CEP85L: variants seen among roughly 807,000 people sequenced by gnomAD.
CEP85L encodes centrosomal protein of 85 kDa-like.
CEP85L carries 60 observed loss-of-function variants against 100.3 expected under a neutral mutation model. That is an observed-to-expected ratio of 0.60 (90% CI 0.49 to 0.74). CEP85L has a LOEUF of 0.74. Ranked by LOEUF, CEP85L falls within the 30% of genes least tolerant of loss-of-function variation. The pLI is 0.00. For missense variants in CEP85L, 973 were observed against 936.2 expected, an observed-to-expected ratio of 1.04 and a Z score of -0.51; for synonymous variants, 319 against 322.7, an observed-to-expected ratio of 0.99 and a Z score of 0.12.
chr6:118,693,691 C>T (rs1465106885), intron 1 of CEP85L, among the ~76,000 whole-genome samples: 1 of 152,206 alleles, frequency 6.6e-6, no homozygotes, highest in East Asian at 1.9e-4. Flanking sequence ...TATCACAAAG[C>T]TGGTCCTATG....
chr6:118,481,583 C>A (rs1773786570), intron 8 of CEP85L, among the ~76,000 whole-genome samples, 196 bp downstream of exon 8: 1 of 152,012 alleles, frequency 6.6e-6, no homozygotes, highest in East Asian at 1.9e-4. Flanking sequence ...AAATACTTGG[C>A]AAATATTCCA....
At chr6:118,496,578 C>T (rs942442307) in intron 5 of CEP85L, among the ~76,000 whole-genome samples, 2 of 152,114 alleles carry the variant, frequency 1.3e-5, no homozygotes, top group African/African-American at 4.8e-5. Context: ...TGGTCTCGAA[C>T]TCCTGACCTC....
intron 2 of CEP85L, among the ~76,000 whole-genome samples, chr6:118,598,875 G>A (rs574185002): frequency 6.6e-6 from 1 of 152,246 alleles, no homozygotes; most frequent in South Asian, 2.1e-4. Context: ...GTAAATGGAT[G>A]GTAGATGGTG....
upstream of CEP85L, chr6:118,656,697 A>G (rs979362486): frequency 1.3e-5 from 2 of 152,234 alleles, no homozygotes; most frequent in African/African-American, 4.8e-5. Flanking sequence ...ATACATTCAT[A>G]TAATTTGTAA....
intron 5 of CEP85L, among the ~76,000 whole-genome samples, chr6:118,504,674 G>A (rs1351217063): frequency 6.6e-6 from 1 of 152,210 alleles, no homozygotes. Context: ...AGGGAGTTAT[G>A]TGAACTCTGA....
rs542695157 is a variant in CEP85L at position 118,662,187 on chromosome 6, A to C, written c.-27-9379T>G. The stretch of plus-strand genomic sequence containing the variant: ...CATGCTAAGTGAGCACTGTGCCAAG[A>C]ATTTCACATGCAGCTTCCCATTTCA... On this transcript the variant is annotated intron_variant, in intron 1 of 13. Transcript: ENST00000368488. Among the ~76,000 whole-genome samples the C allele has an allele frequency of 4.6e-5, 7 of 152,350 alleles. No individual in the cohort carries two copies. The South Asian group carries it at 1.4e-3, about 32-fold the overall frequency.
At chr6:118,659,668 A>G (rs909186226) in intron 1 of CEP85L, among the ~76,000 whole-genome samples, 2 of 152,244 alleles carry the variant, frequency 1.3e-5, no homozygotes, top group Non-Finnish European at 2.9e-5. Flanking sequence ...GGCAATATCA[A>G]GAGAATTCGT....
intron 2 of CEP85L, among the ~76,000 whole-genome samples, chr6:118,604,566 T>G (rs991899813): frequency 2.0e-5 from 3 of 152,250 alleles, no homozygotes; most frequent in Non-Finnish European, 4.4e-5. Flanking sequence ...ATAGTCTCAA[T>G]TACATGTTAC....
chr6:118,558,779 A>T (rs950612883), intron 3 of CEP85L: 1 of 697,550 alleles, frequency 1.4e-6, no homozygotes, highest in Non-Finnish European at 2.6e-6. Flanking sequence ...TTCTGAGGAT[A>T]GGTTACATAG....
At chr6:118,652,749 T>A, upstream of CEP85L, 1 of 1,541,342 alleles carries the variant, frequency 6.5e-7, no homozygotes, top group South Asian at 1.2e-5. Flanking sequence ...TTAGTCTCCC[T>A]GTGGTAGACT....
chr6:118,709,582 AGC>A (rs1562371025), intron 1 of CEP85L, among the ~76,000 whole-genome samples: 3 of 125,242 alleles, frequency 2.4e-5, no homozygotes, highest in African/African-American at 5.7e-5. Flanking sequence ...AGAGAGAGAG[AGC>A]GCTCCCAGTT....
chr6:118,533,302 T>C (rs1019287598), intron 3 of CEP85L, among the ~76,000 whole-genome samples: 25 of 152,002 alleles, frequency 1.6e-4, no homozygotes, highest in African/African-American at 6.0e-4. Context: ...CTACAGACCA[T>C]CAGACATTAA....
rs56123225 is a variant in CEP85L, at chr6:118,569,341, C to CAAAAAAAA, written c.233-3033_233-3026dup. On this transcript the variant is annotated intron_variant, in intron 2 of 12. Coordinates refer to ENST00000368491, the MANE Select transcript of CEP85L (RefSeq NM_001042475.3). ...TGGGTGACAAGGCTAGACTCTGTCTCAAAAAAAAAAAAAAAAAAAAAAAAA... is the reference window on the plus strand; with the variant it reads ...TGGGTGACAAGGCTAGACTCTGTCTCAAAAAAAAAAAAAAAAAAAAAAAAAAAAAAAAA... Among the ~76,000 whole-genome samples the CAAAAAAAA allele has an allele frequency of 3.5e-3, 239 of 68,204 alleles. 15 individuals carry two copies. Among genetic ancestry groups the CAAAAAAAA allele is most frequent in the African/African-American group, 0.013 (198 of 14,920 alleles). The allele number at this position is 68,204 out of a possible 152,430, so 44.7% of individuals were successfully genotyped here.
chr6:118,570,825 T>C (rs1779843293), intron 2 of CEP85L, among the ~76,000 whole-genome samples: 1 of 152,098 alleles, frequency 6.6e-6, no homozygotes. Flanking sequence ...GTATCTGAGT[T>C]CTAGTGTAAA....
intron 3 of CEP85L, among the ~76,000 whole-genome samples, chr6:118,539,082 CA>C (rs1777762164): frequency 6.6e-6 from 1 of 151,992 alleles, no homozygotes; most frequent in Non-Finnish European, 1.5e-5. Context: ...TCTACTAAAA[CA>C]AAGCTATAGT....
chr6:118,575,077 T>C (rs1410383933), intron 2 of CEP85L, among the ~76,000 whole-genome samples: 3 of 151,750 alleles, frequency 2.0e-5, no homozygotes, highest in African/African-American at 7.3e-5. Context: ...AGTTGAGCCG[T>C]AGAGAAAGGG....
intron 1 of CEP85L, among the ~76,000 whole-genome samples, chr6:118,690,614 G>A (rs1239775468): frequency 2.8e-4 from 42 of 152,310 alleles, no homozygotes; most frequent in African/African-American, 9.6e-4. Context: ...TCTTTTCATT[G>A]GGATTGCTCT....
At chr6:118,636,730 C>T (rs1445824036) in intron 1 of CEP85L, among the ~76,000 whole-genome samples, 3 of 152,176 alleles carry the variant, frequency 2.0e-5, no homozygotes, top group Non-Finnish European at 4.4e-5. Flanking sequence ...TGATTAAATA[C>T]ACTAGTACAC....
intron 1 of CEP85L, among the ~76,000 whole-genome samples, chr6:118,699,603 A>T (rs149534350): frequency 6.6e-6 from 1 of 152,120 alleles, no homozygotes; most frequent in Non-Finnish European, 1.5e-5. Flanking sequence ...TAACTCCATT[A>T]TATGTAAAAG....
Sources: allele counts gnomAD v4.1 joint callset (sites outside exome capture counted in the v4.1 genomes callset), GRCh38; gene constraint gnomAD v4.1.1; transcripts MANE v1.5; gene names NCBI Gene and HGNC (gene_info 2026-07-23, HGNC 2026-07-21).